ANKRD36B: variants seen among roughly 807,000 people sequenced by gnomAD.
ANKRD36B encodes ankyrin repeat domain-containing protein 36B.
A neutral mutation model predicts 135.7 loss-of-function variants in ANKRD36B; 37 were observed. The observed-to-expected ratio is 0.27, with a 90% CI of 0.21 to 0.36. The LOEUF (loss-of-function observed/expected upper bound fraction) is 0.36. Among genes scored for constraint, ANKRD36B ranks in the 10% least tolerant of loss-of-function variants. The probability of loss-of-function intolerance (pLI) is 1.00; values close to 1 mark genes in which losing one functional copy is unlikely to be tolerated. For synonymous variants in ANKRD36B, 179 were observed against 348.1 expected (o/e 0.51, Z 5.41); for missense variants, 549 against 1,037.1 (o/e 0.53, Z 6.46).
At chr2:97,573,052 A>C (rs537422734) in intron 6 of ANKRD36B, among the ~76,000 whole-genome samples, 2 of 151,552 alleles carry the variant, frequency 1.3e-5, no homozygotes, top group African/African-American at 4.8e-5. Flanking sequence ...TCCTAATGCT[A>C]TCCCTCCCCA....
chr2:97,531,172 A>G (rs1159249878), intron 35 of ANKRD36B, among the ~76,000 whole-genome samples: 2 of 91,022 alleles, frequency 2.2e-5, no homozygotes, highest in African/African-American at 6.6e-5. Flanking sequence ...TCCAACAATG[A>G]TAGCCTGGAT....
In ANKRD36B at chr2:97,589,840, A is replaced by G. The variant is rs1358172602; in HGVS notation, c.-155T>C. The G allele has an allele frequency of 2.9e-5, 31 of 1,076,958 alleles. No homozygotes were observed. Among genetic ancestry groups the G allele is most frequent in the Admixed American group, 1.6e-4 (6 of 37,846 alleles). 66.7% of individuals were successfully genotyped at this position (1,076,958 alleles called of 1,614,324 possible). On this transcript the variant is annotated 5_prime_UTR_variant, in exon 1 of 44. Coordinates refer to ENST00000359901, the MANE Select transcript of ANKRD36B (RefSeq NM_001393939.1). The stretch of plus-strand genomic sequence containing the variant: ...TGCACGGACCTCCGCGCAGACTCTC[A>G]GCGCCTCCCGCCTCTCCGCAGAAAC...
At chr2:97,563,483 C>A (rs2081202374) in intron 6 of ANKRD36B, among the ~76,000 whole-genome samples, 1 of 151,624 alleles carries the variant, frequency 6.6e-6, no homozygotes, top group Non-Finnish European at 1.5e-5. Context: ...AGCAATATGG[C>A]TTTACGGGGT....
At chr2:97,562,357 C>T (rs1425329516) in intron 6 of ANKRD36B, among the ~76,000 whole-genome samples, 1 of 151,780 alleles carries the variant, frequency 6.6e-6, no homozygotes. Context: ...ACATGATATA[C>T]CATCAGGGTC....
chr2:97,554,464 T>C (rs2080317854), intron 14 of ANKRD36B, among the ~76,000 whole-genome samples: 1 of 151,966 alleles, frequency 6.6e-6, no homozygotes, highest in South Asian at 2.1e-4. Flanking sequence ...CAGTAGTTCC[T>C]GGAGCTGCCA....
intron 3 of ANKRD36B, among the ~76,000 whole-genome samples, chr2:97,584,583 T>C (rs1281461633): frequency 7.3e-5 from 11 of 150,734 alleles, no homozygotes; most frequent in African/African-American, 2.0e-4. Flanking sequence ...ATAAAGCCTA[T>C]TTATAAGGGA....
intron 35 of ANKRD36B, among the ~76,000 whole-genome samples, chr2:97,525,160 A>C: frequency 2.0e-5 from 2 of 97,714 alleles, no homozygotes; most frequent in Middle Eastern, 0.01. Flanking sequence ...GAAAAACACA[A>C]ATCATGAAAC....
intron 6 of ANKRD36B, among the ~76,000 whole-genome samples, chr2:97,564,212 T>C (rs2081267743): frequency 6.6e-6 from 1 of 152,004 alleles, no homozygotes; most frequent in African/African-American, 2.4e-5. Context: ...GTCAATAAGT[T>C]TTAGTAGTAT....
intron 22 of ANKRD36B, 105 bp from the exon 23 acceptor site, chr2:97,545,966 G>A: frequency 2.2e-6 from 2 of 920,994 alleles, no homozygotes; most frequent in Admixed American, 1.9e-5. Flanking sequence ...GCCTGTAATA[G>A]TGTAGGCTTT....
chr2:97,555,016 C>A, intron 14 of ANKRD36B, 44 bp downstream of exon 14: 1 of 1,600,210 alleles, frequency 6.2e-7, no homozygotes, highest in Non-Finnish European at 8.5e-7. Flanking sequence ...AAGTTCTTTT[C>A]TATCTGGACT....
chr2:97,548,561 A>C (rs2079719850), intron 20 of ANKRD36B, among the ~76,000 whole-genome samples: 1 of 151,934 alleles, frequency 6.6e-6, no homozygotes, highest in Admixed American at 6.6e-5. Flanking sequence ...AGAATCCAGC[A>C]TAATTTTTGT....
chr2:97,582,444 G>A (rs548658660), intron 3 of ANKRD36B, among the ~76,000 whole-genome samples: 6 of 151,890 alleles, frequency 4.0e-5, no homozygotes, highest in Non-Finnish European at 7.4e-5. Context: ...ACCTGAGGAA[G>A]TGAAGTACCT....
intron 35 of ANKRD36B, among the ~76,000 whole-genome samples, chr2:97,527,597 G>A (rs548644739): frequency 1.9e-4 from 18 of 93,930 alleles, no homozygotes; most frequent in Admixed American, 2.8e-4. Flanking sequence ...CCAATTAAAA[G>A]ACACAGACTG....
intron 6 of ANKRD36B, among the ~76,000 whole-genome samples, chr2:97,566,331 A>C (rs973776418): frequency 3.9e-5 from 6 of 152,082 alleles, no homozygotes; most frequent in African/African-American, 1.4e-4. Flanking sequence ...AAAAGAAAAA[A>C]AAATCATGAA....
chr2:97,530,736 G>A (rs1424630735), intron 35 of ANKRD36B, among the ~76,000 whole-genome samples: 1 of 97,132 alleles, frequency 1.0e-5, no homozygotes, highest in African/African-American at 3.1e-5. Context: ...CCATCAAAAA[G>A]TGGGCAAAGG....
chr2:97,575,361 G>C (rs532791771), intron 6 of ANKRD36B, among the ~76,000 whole-genome samples: 1 of 152,040 alleles, frequency 6.6e-6, no homozygotes, highest in South Asian at 2.1e-4. Context: ...CTCAGATTTG[G>C]AGGGAAGGGA....
chr2:97,550,939 G>A (rs1220864668), intron 18 of ANKRD36B, among the ~76,000 whole-genome samples: 20 of 151,858 alleles, frequency 1.3e-4, no homozygotes, highest in Non-Finnish European at 1.8e-4. Flanking sequence ...TTAGCACTAC[G>A]ATGTGACGTC....
At chr2:97,494,644 T>C (rs2077284675) in intron 43 of ANKRD36B, among the ~76,000 whole-genome samples, 1 of 103,242 alleles carries the variant, frequency 9.7e-6, no homozygotes. Flanking sequence ...CACTCTCTTT[T>C]TGTCTTTAAC....
chr2:97,537,379 T>C (rs1169610931), intron 32 of ANKRD36B, among the ~76,000 whole-genome samples: 1 of 97,066 alleles, frequency 1.0e-5, no homozygotes, highest in East Asian at 2.3e-4. Context: ...GAATTTTCAT[T>C]AAATAGCTAT....
Sources: allele counts gnomAD v4.1 joint callset (sites outside exome capture counted in the v4.1 genomes callset), GRCh38; gene constraint gnomAD v4.1.1; transcripts MANE v1.5; gene names NCBI Gene and HGNC (gene_info 2026-07-23, HGNC 2026-07-21).